Variants in TMEM67 observed in about 807,000 individuals in gnomAD.
TMEM67 encodes the protein meckelin.
A neutral mutation model predicts 136.6 loss-of-function variants in TMEM67; 124 were observed. That is an observed-to-expected ratio of 0.91 (90% CI 0.78 to 1.05). The LOEUF (loss-of-function observed/expected upper bound fraction) is 1.05. Among genes scored for constraint, TMEM67 ranks in the 50% least tolerant of loss-of-function variants. TMEM67 has a pLI of 0.00. For synonymous variants in TMEM67, 364 were observed against 390.5 expected, an observed-to-expected ratio of 0.93 and a Z score of 0.80; for missense variants, 1,107 against 1,178.4, an observed-to-expected ratio of 0.94 and a Z score of 0.89.
chr8:93,796,672 C>T (rs975398966), intron 18 of TMEM67, among the ~76,000 whole-genome samples: 1 of 151,920 alleles, frequency 6.6e-6, no homozygotes, highest in African/African-American at 2.4e-5. Flanking sequence ...CTTTAAAAAT[C>T]AGAAATCTGA....
intron 6 of TMEM67, among the ~76,000 whole-genome samples, chr8:93,766,535 C>CTCTT (rs1813091145): frequency 6.6e-6 from 1 of 152,106 alleles, no homozygotes. Flanking sequence ...TGAATTGGAA[C>CTCTT]TAAAGAGGTA....
At chr8:93,789,796 C>A (rs1426078083) in intron 14 of TMEM67, among the ~76,000 whole-genome samples, 1 of 151,514 alleles carries the variant, frequency 6.6e-6, no homozygotes, top group Admixed American at 6.6e-5. Context: ...GTCCGCTGGT[C>A]GTAGTGGCTC....
chr8:93,805,755 G>T (rs1815122580), intron 23 of TMEM67, among the ~76,000 whole-genome samples: 1 of 152,166 alleles, frequency 6.6e-6, no homozygotes, highest in South Asian at 2.1e-4. Flanking sequence ...GGAATTCTAA[G>T]TTAGAAAAAT....
chr8:93,766,820 T>G (rs1813101837), intron 6 of TMEM67, among the ~76,000 whole-genome samples: 1 of 152,100 alleles, frequency 6.6e-6, no homozygotes, highest in African/African-American at 2.4e-5. Context: ...TACCAAGTAG[T>G]TACCAGACAA....
At position 93,817,060 on chromosome 8, in the gene TMEM67, A is replaced by G. The variant is rs959124492; in HGVS notation, c.*608A>G. ...TCTTTTCATTCCTTTGTATACCTGT[A>G]TTAGGTCAGTATACGCTTTCCATGA... On this transcript the variant is annotated 3_prime_UTR_variant, in exon 28 of 28. Transcript: ENST00000453321. The G allele has an allele frequency of 1.3e-5, 2 of 152,266 alleles. No individual in the cohort carries two copies. The highest frequency in any genetic ancestry group is 4.8e-5 in the African/African-American group (2 of 41,450). The allele number at this position is 152,266 out of a possible 1,614,324, so 9.4% of individuals were successfully genotyped here. A position where few individuals can be genotyped will look rare whatever the true frequency, so the allele number is the denominator to read the frequency against.
At position 93,754,931 on chromosome 8, in the gene TMEM67, G is replaced by A. The variant is rs1812494112; in HGVS notation, c.17G>A (p.Gly6Glu). The A allele has an allele frequency of 6.2e-7, 1 of 1,613,830 alleles. No individual in the cohort carries two copies. The highest frequency in any genetic ancestry group is 1.1e-5 in the South Asian group (1 of 91,068). MATRG[G>E]AGVAMAVWSL... ...GTCGGTACCATGGCGACGCGCGGTG[G>A]GGCTGGGGTGGCAATGGCGGTTTGG... The change falls in exon 1 of 28, where the codon GGG (glycine) becomes GAG (glutamate). Residue 6 changes from glycine (G) to glutamate (E), a missense_variant. Transcript: ENST00000453321.
chr8:93,808,823 A>G lies in TMEM67; in HGVS notation c.2440-17A>G. On this transcript the variant is annotated splice_polypyrimidine_tract_variant and intron_variant, in intron 23 of 27. Transcript: ENST00000453321. ...TTTTATAATTTTGATCTTAACTTAA[A>G]TTCTTTAACTTTTCAGGAAAATTTG... The G allele has an allele frequency of 6.6e-7, 1 of 1,522,856 alleles. No individual in the cohort carries two copies. Among genetic ancestry groups the G allele is most frequent in the Non-Finnish European group, 9.1e-7 (1 of 1,097,650 alleles). 94.3% of individuals were successfully genotyped at this position (1,522,856 alleles called of 1,614,324 possible). A position where few individuals can be genotyped will look rare whatever the true frequency, so the allele number is the denominator to read the frequency against.
At chr8:93,825,112 A>C in the TMEM67 span, among the ~76,000 whole-genome samples, 619 of 152,332 alleles carry the variant, frequency 4.1e-3, 6 homozygotes, top group African/African-American at 0.015. Context: ...AGTTGTTAGC[A>C]CGGTGCCAGG....
chr8:93,762,008 A>G (rs1812862968), intron 3 of TMEM67: 1 of 152,198 alleles, frequency 6.6e-6, no homozygotes. Context: ...TAATCGCAGC[A>G]CTTTGGGAAG....
chr8:93,761,178 A>C (rs1280499172), intron 3 of TMEM67, among the ~76,000 whole-genome samples: 1 of 152,170 alleles, frequency 6.6e-6, no homozygotes, highest in African/African-American at 2.4e-5. Context: ...ACATGCCTGT[A>C]ATCCCAGTTT....
rs561995072 is a variant in TMEM67, at chr8:93,786,455, C to T, written c.1412+109C>T. ...GGACAACTGAATTGGAACAGTTGGT[C>T]GGGTTATTTTAGGTGTATGTGTAGA... On this transcript the variant is annotated intron_variant, in intron 13 of 27. Coordinates refer to ENST00000453321, the MANE Select transcript of TMEM67 (RefSeq NM_153704.6). 355 of 1,323,188 alleles carry T rather than the reference C, an allele frequency of 2.7e-4. 7 individuals carry two copies. In the South Asian group the frequency reaches 4.0e-3, roughly 15 times the overall value. 82.0% of individuals were successfully genotyped at this position (1,323,188 alleles called of 1,614,324 possible). A position where few individuals can be genotyped will look rare whatever the true frequency, so the allele number is the denominator to read the frequency against.
chr8:93,791,149 G>GT, intron 14 of TMEM67, 114 bp from the exon 15 acceptor site: 2 of 698,008 alleles, frequency 2.9e-6, no homozygotes. Flanking sequence ...AATATTGATA[G>GT]TTAAAAACTA....
In TMEM67 at chr8:93,785,246, T is replaced by G; in HGVS notation, c.1156T>G (p.Leu386Val). The change falls in exon 12 of 28, where the codon TTA (leucine) becomes GTA (valine). Residue 386 changes from leucine to valine, a missense_variant. By Grantham distance (32) the Leu-to-Val change is conservative. Transcript: ENST00000453321. ...GTGTGAGATTCCTATCTCTAAGATC[T>G]TAATTGACTTTCCCACTCCTATATT... ...QNCEIPISKI[L>V]IDFPTPIFYD... 1 of 1,591,288 alleles carries G rather than the reference T, an allele frequency of 6.3e-7. No homozygotes were observed. The highest frequency in any genetic ancestry group is 1.1e-5 in the South Asian group (1 of 90,248).
At chr8:93,795,356 G>C in intron 16 of TMEM67, 53 bp from the exon 17 acceptor site, 1 of 1,381,630 alleles carries the variant, frequency 7.2e-7, no homozygotes, top group Non-Finnish European at 1.0e-6. Context: ...GTTACTAAAA[G>C]TGGTATATAC....
the TMEM67 span, among the ~76,000 whole-genome samples, chr8:93,826,111 T>G: frequency 6.6e-6 from 1 of 150,908 alleles, no homozygotes; most frequent in East Asian, 1.9e-4. Flanking sequence ...TAACAAGCAT[T>G]GTTAATCATG....
chr8:93,797,006 AT>A, intron 18 of TMEM67, 127 bp from the exon 19 acceptor site: 1 of 687,466 alleles, frequency 1.5e-6, no homozygotes, highest in Non-Finnish European at 2.6e-6. Flanking sequence ...TTATAACTTC[AT>A]GTGAATTCAC....
chr8:93,793,167 A>G, intron 15 of TMEM67, 31 bp from the exon 16 acceptor site: 1 of 1,582,482 alleles, frequency 6.3e-7, no homozygotes, highest in Non-Finnish European at 8.7e-7. Context: ...CAGAAATTAC[A>G]TAAATTCTCA....
At chr8:93,790,937 G>A (rs959978877) in intron 14 of TMEM67, among the ~76,000 whole-genome samples, 3 of 152,150 alleles carry the variant, frequency 2.0e-5, no homozygotes, top group African/African-American at 7.2e-5. Context: ...TTACCCAATT[G>A]CTAAATTCCT....
chr8:93,779,624 G>C (rs1045754463), intron 7 of TMEM67, among the ~76,000 whole-genome samples: 2 of 152,162 alleles, frequency 1.3e-5, no homozygotes, highest in South Asian at 4.1e-4. Context: ...CCTTCTAACA[G>C]GTCCCTCAGC....
Sources: gnomAD v4.1 joint callset for allele counts (sites outside exome capture counted in the v4.1 genomes callset) on GRCh38, gnomAD v4.1.1 for gene constraint, MANE v1.5 for transcripts, NCBI Gene and HGNC (gene_info 2026-07-23, HGNC 2026-07-21) for gene names.